Variants in LRRC37A2 observed in about 807,000 individuals in gnomAD.
The protein encoded by LRRC37A2 is leucine rich repeat containing 37 member A2.
Under a neutral mutation model 68.8 loss-of-function variants are expected in LRRC37A2, and 9 were observed. The observed-to-expected ratio is 0.13, with a 90% CI of 0.08 to 0.23. The LOEUF is 0.23. Ranked by LOEUF, LRRC37A2 falls within the 10% of genes least tolerant of loss-of-function variation. LRRC37A2 has a pLI of 1.00. For missense variants in LRRC37A2, 168 were observed against 950.4 expected (o/e 0.18, Z 10.82); for synonymous variants, 63 against 367.6 (o/e 0.17, Z 9.48).
chr17:46,857,474 C>CAAAAA, the LRRC37A2 span, among the ~76,000 whole-genome samples: 5 of 94,652 alleles, frequency 5.3e-5, no homozygotes, highest in African/African-American at 1.4e-4. Flanking sequence ...GACTCTGTCT[C>CAAAAA]AAAAAAAAAA....
At chr17:47,039,047 T>C in the LRRC37A2 span, among the ~76,000 whole-genome samples, 1 of 150,608 alleles carries the variant, frequency 6.6e-6, no homozygotes, top group Admixed American at 6.7e-5. Flanking sequence ...ATAGGGCAGG[T>C]CTTCTAGCAA....
At chr17:46,979,226 C>T in the LRRC37A2 span, 1 of 426,668 alleles carries the variant, frequency 2.3e-6, no homozygotes, top group Non-Finnish European at 4.2e-6. Context: ...ACAGGCGGCG[C>T]AGGAGCTGGA....
At chr17:47,027,211 G>A in the LRRC37A2 span, among the ~76,000 whole-genome samples, 10 of 152,026 alleles carry the variant, frequency 6.6e-5, no homozygotes, top group East Asian at 1.5e-3. Context: ...CACCCGGCCC[G>A]ACTATTTTTT....
At chr17:46,834,186 C>A in the LRRC37A2 span, among the ~76,000 whole-genome samples, 2 of 152,016 alleles carry the variant, frequency 1.3e-5, no homozygotes, top group East Asian at 1.9e-4. Flanking sequence ...TGGAGTGAGA[C>A]CCTGTTTCAA....
the LRRC37A2 span, among the ~76,000 whole-genome samples, chr17:46,720,114 G>T: frequency 1.3e-5 from 2 of 152,150 alleles, no homozygotes; most frequent in Non-Finnish European, 2.9e-5. Context: ...CTGGAAATTG[G>T]ATCTTTTGAC....
chr17:47,027,503 C>A, the LRRC37A2 span: 1 of 830,456 alleles, frequency 1.2e-6, no homozygotes. Flanking sequence ...ATTATTCATA[C>A]CAATCAACAT....
chr17:47,026,714 A>G, the LRRC37A2 span, among the ~76,000 whole-genome samples: 1 of 152,228 alleles, frequency 6.6e-6, no homozygotes, highest in African/African-American at 2.4e-5. Context: ...AGCAATATAA[A>G]ACCAAAAATG....
the LRRC37A2 span, among the ~76,000 whole-genome samples, chr17:46,777,623 A>G: frequency 1.6e-4 from 25 of 152,264 alleles, no homozygotes; most frequent in African/African-American, 6.0e-4. Flanking sequence ...GGCAATACTA[A>G]TGACAACTAT....
chr17:46,713,065 A>G, the LRRC37A2 span: 1 of 152,246 alleles, frequency 6.6e-6, no homozygotes, highest in African/African-American at 2.4e-5. Context: ...AGCCAGTGTA[A>G]ATAATTACAT....
At chr17:46,790,510 G>A in the LRRC37A2 span, among the ~76,000 whole-genome samples, 44 of 152,042 alleles carry the variant, frequency 2.9e-4, no homozygotes, top group African/African-American at 1.0e-3. Flanking sequence ...CTGGGGACCT[G>A]CCCACAGCCC....
chr17:46,619,791 A>AC, the LRRC37A2 span, among the ~76,000 whole-genome samples: 1 of 87,632 alleles, frequency 1.1e-5, no homozygotes, highest in Non-Finnish European at 2.1e-5. Context: ...AAAAAAAAAA[A>AC]AAAAACCCAG....
chr17:46,936,607 C>CT, the LRRC37A2 span: 1 of 985,460 alleles, frequency 1.0e-6, no homozygotes, highest in Non-Finnish European at 1.2e-6. Context: ...CTGAAGCACT[C>CT]TGATGACTGG....
the LRRC37A2 span, among the ~76,000 whole-genome samples, chr17:46,857,600 AC>A: frequency 6.6e-6 from 1 of 152,162 alleles, no homozygotes; most frequent in Non-Finnish European, 1.5e-5. Flanking sequence ...CTCTTGGATA[AC>A]TGTCTAGGAG....
At chr17:46,853,982 G>C in the LRRC37A2 span, among the ~76,000 whole-genome samples, 1 of 151,448 alleles carries the variant, frequency 6.6e-6, no homozygotes, top group Non-Finnish European at 1.5e-5. Context: ...CATGTGAGAT[G>C]GTCAAATAGG....
chr17:47,015,688 C>T, the LRRC37A2 span, among the ~76,000 whole-genome samples: 2 of 152,202 alleles, frequency 1.3e-5, no homozygotes, highest in African/African-American at 4.8e-5. Context: ...AGTATCATTT[C>T]AGTGGGAACT....
the LRRC37A2 span, chr17:46,875,093 C>T: frequency 2.7e-5 from 44 of 1,613,552 alleles, 1 homozygote; most frequent in African/African-American, 4.1e-4. Flanking sequence ...CCTGGGTGCC[C>T]GATCCAGGCT....
At chr17:46,810,150 G>A in the LRRC37A2 span, among the ~76,000 whole-genome samples, 1 of 151,830 alleles carries the variant, frequency 6.6e-6, no homozygotes, top group South Asian at 2.1e-4. Context: ...GGGATTACAG[G>A]CTCCCACCAC....
the LRRC37A2 span, among the ~76,000 whole-genome samples, chr17:46,872,157 G>C: frequency 6.6e-6 from 1 of 152,212 alleles, no homozygotes; most frequent in Non-Finnish European, 1.5e-5. Flanking sequence ...TAAATGTACA[G>C]ATTCCCAGGC....
At chr17:46,872,910 C>G in the LRRC37A2 span, 1 of 1,104,212 alleles carries the variant, frequency 9.1e-7, no homozygotes, top group Admixed American at 3.1e-5. Flanking sequence ...TAGCACGGTC[C>G]CAAATGAGAA....
Sources: allele counts gnomAD v4.1 joint callset (sites outside exome capture counted in the v4.1 genomes callset), GRCh38; gene constraint gnomAD v4.1.1; transcripts MANE v1.5; gene names NCBI Gene and HGNC (gene_info 2026-07-23, HGNC 2026-07-21).